The following LHFPL6 variants were observed in gnomAD, a reference collection of about 807,000 sequenced individuals.
The protein encoded by LHFPL6 is LHFPL tetraspan subfamily member 6, also known as LHFPL tetraspan subfamily member 6 protein.
In LHFPL6, 9 loss-of-function variants were observed where a neutral mutation model predicts 20.6. The ratio of observed to expected loss-of-function variants is 0.44; its 90% confidence interval spans 0.26 to 0.76. The LOEUF is 0.76. Ranked by LOEUF, LHFPL6 falls within the 30% of genes least tolerant of loss-of-function variation. The pLI, the probability that LHFPL6 is intolerant of heterozygous loss-of-function variation, is 0.20. For missense variants in LHFPL6, 218 were observed against 253.5 expected, an observed-to-expected ratio of 0.86 and a Z score of 0.95; for synonymous variants, 105 against 98.7, an observed-to-expected ratio of 1.06 and a Z score of -0.38.
chr13:39,601,367 C>T lies in LHFPL6; in HGVS notation c.-151G>A, dbSNP rs1593381097. The T allele has an allele frequency of 1.5e-6, 1 of 665,730 alleles. No homozygotes were observed. The highest frequency in any genetic ancestry group is 2.4e-6 in the Non-Finnish European group (1 of 419,544). The allele number at this position is 665,730 out of a possible 1,614,324, so 41.2% of individuals were successfully genotyped here. On this transcript the variant is annotated 5_prime_UTR_variant, in exon 2 of 4. Coordinates refer to ENST00000379589, the MANE Select transcript of LHFPL6 (RefSeq NM_005780.3). Reference sequence around the variant, plus strand: ...GTCTTACTGGGCATCAACTTTCCATCCTCTGCACTAAAGATGATGGTCCCT... The same window carrying T: ...GTCTTACTGGGCATCAACTTTCCATTCTCTGCACTAAAGATGATGGTCCCT...
chr13:39,493,407 A>G (rs1868996953), intron 2 of LHFPL6, among the ~76,000 whole-genome samples: 1 of 152,174 alleles, frequency 6.6e-6, no homozygotes, highest in African/African-American at 2.4e-5. Context: ...GACTGCTAAA[A>G]GGCTTTAACA....
intron 2 of LHFPL6, among the ~76,000 whole-genome samples, chr13:39,393,309 G>A (rs562295322): frequency 2.0e-5 from 3 of 152,284 alleles, no homozygotes; most frequent in South Asian, 2.1e-4. Context: ...TTCAAAACAC[G>A]GAAGAAGTGG....
intron 2 of LHFPL6, among the ~76,000 whole-genome samples, chr13:39,441,043 A>G (rs1406792110): frequency 2.0e-5 from 3 of 151,838 alleles, no homozygotes; most frequent in South Asian, 4.1e-4. Context: ...GTAAAATACC[A>G]GTCTCAGGTA....
At chr13:39,592,198 A>C (rs545786451) in intron 2 of LHFPL6, among the ~76,000 whole-genome samples, 1 of 152,212 alleles carries the variant, frequency 6.6e-6, no homozygotes, top group South Asian at 2.1e-4. Flanking sequence ...GTTAAGGCTT[A>C]GAAAACAAGC....
chr13:39,507,968 C>A (rs2138471001), intron 2 of LHFPL6, among the ~76,000 whole-genome samples: 1 of 141,738 alleles, frequency 7.1e-6, no homozygotes. Context: ...CTTTTTTTCT[C>A]CCCTCCCCTT....
intron 2 of LHFPL6, among the ~76,000 whole-genome samples, chr13:39,469,902 C>T (rs1424560688): frequency 6.6e-6 from 1 of 152,164 alleles, no homozygotes; most frequent in Non-Finnish European, 1.5e-5. Flanking sequence ...TACAATCACA[C>T]TGAGATGGCA....
chr13:39,583,678 T>C (rs1321300095), intron 2 of LHFPL6, among the ~76,000 whole-genome samples: 1 of 152,212 alleles, frequency 6.6e-6, no homozygotes, highest in East Asian at 1.9e-4. Flanking sequence ...AAGTTAACTC[T>C]TCCACGGTTT....
chr13:39,387,009 C>G (rs1447658573), intron 2 of LHFPL6, among the ~76,000 whole-genome samples: 1 of 152,160 alleles, frequency 6.6e-6, no homozygotes, highest in Non-Finnish European at 1.5e-5. Context: ...GGTTTTGCCT[C>G]TCCTGTGAGC....
At chr13:39,494,615 T>C (rs752136334) in intron 2 of LHFPL6, among the ~76,000 whole-genome samples, 1 of 152,208 alleles carries the variant, frequency 6.6e-6, no homozygotes, top group Admixed American at 6.5e-5. Context: ...TTCTAGCTAA[T>C]GTGCAAAATT....
Position 39,598,701 on chromosome 13 carries a change from G to A in LHFPL6, c.385+2131C>T, listed in dbSNP as rs369292426. Among the ~76,000 whole-genome samples the A allele has an allele frequency of 7.4e-4, 112 of 152,020 alleles. 1 individual carries two copies. The Middle Eastern group carries it at 0.01, about 14-fold the overall frequency. Reference sequence around the variant, plus strand: ...CTCCGAAGTAGCAGGGACTACAGGCGCCCACCACCACGCCTGGCTAATTTT... The same window carrying A: ...CTCCGAAGTAGCAGGGACTACAGGCACCCACCACCACGCCTGGCTAATTTT... On this transcript the variant is annotated intron_variant, in intron 2 of 3. Transcript: ENST00000379589.
chr13:39,466,370 T>C (rs1872806892), intron 2 of LHFPL6, among the ~76,000 whole-genome samples: 1 of 152,116 alleles, frequency 6.6e-6, no homozygotes, highest in Non-Finnish European at 1.5e-5. Context: ...TGAATTCAAG[T>C]TGAAAAATAT....
intron 2 of LHFPL6, among the ~76,000 whole-genome samples, chr13:39,523,344 C>T (rs185686653): frequency 3.4e-4 from 52 of 152,124 alleles, no homozygotes; most frequent in South Asian, 1.9e-3. Context: ...CCGAGGCGGG[C>T]GGATCACGAG....
chr13:39,521,171 G>A (rs532209379), intron 2 of LHFPL6, among the ~76,000 whole-genome samples: 7 of 152,052 alleles, frequency 4.6e-5, no homozygotes, highest in African/African-American at 1.2e-4. Flanking sequence ...AGATCATTCC[G>A]ACAAATCAGA....
chr13:39,586,385 G>A (rs1156493511), intron 2 of LHFPL6, among the ~76,000 whole-genome samples: 1 of 152,146 alleles, frequency 6.6e-6, no homozygotes, highest in African/African-American at 2.4e-5. Context: ...TCAGAGATAT[G>A]CACATTGTAA....
chr13:39,392,871 T>G (rs1870745290), intron 2 of LHFPL6, among the ~76,000 whole-genome samples: 1 of 151,992 alleles, frequency 6.6e-6, no homozygotes, highest in Non-Finnish European at 1.5e-5. Flanking sequence ...TCTGTATCCA[T>G]GAGTTCTGAA....
At chr13:39,449,653 A>G (rs1872388402) in intron 2 of LHFPL6, among the ~76,000 whole-genome samples, 1 of 152,164 alleles carries the variant, frequency 6.6e-6, no homozygotes, top group Non-Finnish European at 1.5e-5. Context: ...ACAGAATATA[A>G]GATATACAGA....
intron 2 of LHFPL6, among the ~76,000 whole-genome samples, chr13:39,401,032 AG>A (rs770630519): frequency 6.6e-6 from 1 of 152,158 alleles, no homozygotes; most frequent in Non-Finnish European, 1.5e-5. Context: ...CATATAGAAA[AG>A]TGATTTGAAC....
chr13:39,588,916 A>T (rs1392485354), intron 2 of LHFPL6, among the ~76,000 whole-genome samples: 3 of 152,196 alleles, frequency 2.0e-5, no homozygotes, highest in African/African-American at 7.2e-5. Context: ...ATAAAATGAA[A>T]CTTTCTTTTT....
chr13:39,497,188 G>T (rs1869130432), intron 2 of LHFPL6, among the ~76,000 whole-genome samples: 1 of 152,174 alleles, frequency 6.6e-6, no homozygotes, highest in South Asian at 2.1e-4. Flanking sequence ...CAGGCAGACT[G>T]AAGGCATGAT....
Sources: gnomAD v4.1 joint callset for allele counts (sites outside exome capture counted in the v4.1 genomes callset) on GRCh38, gnomAD v4.1.1 for gene constraint, MANE v1.5 for transcripts, NCBI Gene and HGNC (gene_info 2026-07-23, HGNC 2026-07-21) for gene names.